TET3: variants seen among roughly 807,000 people sequenced by gnomAD.
The protein encoded by TET3 is methylcytosine dioxygenase TET3.
In TET3, 19 loss-of-function variants were observed where a neutral mutation model predicts 141.4. That is an observed-to-expected ratio of 0.13 (90% confidence interval 0.09 to 0.20). TET3 has a LOEUF of 0.20. Among genes scored for constraint, TET3 ranks in the 10% least tolerant of loss-of-function variants. The pLI is 1.00. For missense variants in TET3, 1,874 were observed against 2,356.9 expected, an observed-to-expected ratio of 0.80 and a Z score of 4.24; for synonymous variants, 1,043 against 980.9, an observed-to-expected ratio of 1.06 and a Z score of -1.18.
rs2104286200 is a variant in TET3 at position 74,107,804 on chromosome 2, G to T, written c.*5628G>T. On this transcript the variant is annotated 3_prime_UTR_variant, in exon 12 of 12. Coordinates refer to ENST00000409262, the MANE Select transcript of TET3 (RefSeq NM_001287491.2). Reference sequence around the variant, plus strand: ...TGGCTACTTGAAATGAAGTTTATCTGGGGTTGATGGATGAATGGTAGATTT... The same window carrying T: ...TGGCTACTTGAAATGAAGTTTATCTTGGGTTGATGGATGAATGGTAGATTT... 1 of 152,324 alleles carries T rather than the reference G, an allele frequency of 6.6e-6. No homozygotes were observed. Among genetic ancestry groups the T allele is most frequent in the East Asian group, 1.9e-4 (1 of 5,196 alleles). The allele number at this position is 152,324 out of a possible 1,614,324, so 9.4% of individuals were successfully genotyped here.
the TET3 span, among the ~76,000 whole-genome samples, chr2:74,127,511 G>A: frequency 1.3e-5 from 2 of 152,102 alleles, no homozygotes; most frequent in Non-Finnish European, 2.9e-5. Flanking sequence ...ACCAGCTTTA[G>A]GCATTTAACC....
intron 3 of TET3, among the ~76,000 whole-genome samples, chr2:74,029,458 T>A (rs796391849): frequency 6.6e-6 from 1 of 152,174 alleles, no homozygotes; most frequent in South Asian, 2.1e-4. Flanking sequence ...GAGAAAACAG[T>A]ACAGCTATTA....
chr2:74,092,780 C>T, intron 8 of TET3, 122 bp from the exon 9 acceptor site: 2 of 804,398 alleles, frequency 2.5e-6, no homozygotes, highest in Non-Finnish European at 4.2e-6. Context: ...GCCAGAAAGA[C>T]ACCTGATAAC....
chr2:74,129,352 G>A, the TET3 span, among the ~76,000 whole-genome samples: 2 of 132,814 alleles, frequency 1.5e-5, no homozygotes, highest in Non-Finnish European at 3.3e-5. Flanking sequence ...AAAAAACCCG[G>A]CCGGGCACAG....
At chr2:74,022,826 G>A (rs1686127013) in intron 3 of TET3, among the ~76,000 whole-genome samples, 1 of 152,078 alleles carries the variant, frequency 6.6e-6, no homozygotes, top group Non-Finnish European at 1.5e-5. Flanking sequence ...GCCTAGGCTG[G>A]AGTGCAGTGG....
At chr2:74,124,941 G>A in the TET3 span, among the ~76,000 whole-genome samples, 160 of 99,852 alleles carry the variant, frequency 1.6e-3, no homozygotes, top group Middle Eastern at 0.014. Context: ...AAAAAAAAAA[G>A]AAAAAGGTTA....
At chr2:74,012,981 T>C (rs1279862748) in intron 3 of TET3, among the ~76,000 whole-genome samples, 1 of 151,552 alleles carries the variant, frequency 6.6e-6, no homozygotes, top group East Asian at 1.9e-4. Context: ...GAATATACTA[T>C]ACTTGGTAAT....
At chr2:74,094,420 G>A (rs1225637710) in intron 10 of TET3, among the ~76,000 whole-genome samples, 1 of 152,206 alleles carries the variant, frequency 6.6e-6, no homozygotes, top group Non-Finnish European at 1.5e-5. Context: ...AGGGAGCCTT[G>A]AGGGCCAGGG....
chr2:74,044,203 AAAAT>A (rs1268060179), intron 3 of TET3, among the ~76,000 whole-genome samples: 1 of 152,082 alleles, frequency 6.6e-6, no homozygotes, highest in East Asian at 1.9e-4. Flanking sequence ...GTGTGTCTGT[AAAAT>A]AAATAAATAA....
At chr2:74,032,931 G>A (rs768210806) in intron 3 of TET3, among the ~76,000 whole-genome samples, 2 of 151,988 alleles carry the variant, frequency 1.3e-5, no homozygotes, top group Non-Finnish European at 2.9e-5. Context: ...TTCAGGCTTG[G>A]CACCCCATCT....
chr2:74,126,687 T>G, the TET3 span, among the ~76,000 whole-genome samples: 1 of 151,962 alleles, frequency 6.6e-6, no homozygotes, highest in South Asian at 2.1e-4. Flanking sequence ...ATTTTTTCAG[T>G]AGAGACGGGG....
intron 3 of TET3, among the ~76,000 whole-genome samples, chr2:74,010,281 A>T (rs963819005): frequency 3.3e-5 from 5 of 152,178 alleles, no homozygotes; most frequent in Admixed American, 3.3e-4. Context: ...CACCTTCCAG[A>T]TGCTGCCGCC....
chr2:74,050,279 G>A (rs1280827067), intron 4 of TET3, among the ~76,000 whole-genome samples: 1 of 152,176 alleles, frequency 6.6e-6, no homozygotes, highest in Non-Finnish European at 1.5e-5. Flanking sequence ...TATGTAGAAT[G>A]AAAACGATAA....
rs1683922053 is a variant in TET3, at chr2:73,984,955, C to T, written c.-627C>T. Reference sequence around the variant, plus strand: ...TTGCTGCTGCTGCTGCCGCCGCGGCCGCCGCTGCCTCTTCCTTCCTCCTGC... The same window carrying T: ...TTGCTGCTGCTGCTGCCGCCGCGGCTGCCGCTGCCTCTTCCTTCCTCCTGC... On this transcript the variant is annotated 5_prime_UTR_variant, in exon 1 of 12. Transcript: ENST00000409262. The surrounding 1 kb of genome is among the most constrained non-coding windows in gnomAD (Gnocchi z 5.6). Among the ~76,000 whole-genome samples the T allele has an allele frequency of 1.4e-5, 2 of 147,044 alleles. No individual in the cohort carries two copies. Among genetic ancestry groups the T allele is most frequent in the South Asian group, 2.1e-4 (1 of 4,796 alleles).
chr2:74,006,939 G>C (rs1303621549), intron 3 of TET3, among the ~76,000 whole-genome samples: 1 of 152,190 alleles, frequency 6.6e-6, no homozygotes, highest in East Asian at 1.9e-4. Flanking sequence ...CTGTAGATTA[G>C]TGTATTCTCT....
intron 3 of TET3, among the ~76,000 whole-genome samples, chr2:74,007,280 A>G (rs989934766): frequency 6.6e-6 from 1 of 152,180 alleles, no homozygotes; most frequent in Admixed American, 6.5e-5. Flanking sequence ...AGCACTTTAC[A>G]TTTGCTTTCT....
chr2:74,042,181 TG>T (rs1386274978), intron 3 of TET3, among the ~76,000 whole-genome samples: 1 of 152,250 alleles, frequency 6.6e-6, no homozygotes, highest in East Asian at 1.9e-4. Context: ...TCTCTGTAGC[TG>T]GCCTCAAAAG....
At chr2:74,129,646 T>C in the TET3 span, among the ~76,000 whole-genome samples, 12 of 151,140 alleles carry the variant, frequency 7.9e-5, no homozygotes, top group African/African-American at 2.7e-4. Context: ...AAAAAATGAA[T>C]TGAAAAAACC....
At position 74,047,859 on chromosome 2, in the gene TET3, C is replaced by T. The variant is rs200434401; in HGVS notation, c.1942C>T (p.Leu648=). 820 of 1,612,784 alleles carry T rather than the reference C, an allele frequency of 5.1e-4. 3 individuals carry two copies. Among genetic ancestry groups the T allele is most frequent in the Admixed American group, 1.0e-3 (61 of 59,892 alleles). The part of the protein sequence containing the change: ...QEVQAHPPAP[L]PASQGSAVPL... ...AGTGCAGGCTCATCCACCGGCCCCT[C>T]TGCCTGCCTCACAGGGCTCTGCTGT... The change falls in exon 4 of 12, where the codon CTG becomes TTG. Residue 648 remains leucine, a synonymous_variant. Transcript: ENST00000409262.
Sources: gnomAD v4.1 joint callset for allele counts (sites outside exome capture counted in the v4.1 genomes callset) on GRCh38, gnomAD v4.1.1 for gene constraint, Gnocchi (gnomAD v3.1) non-coding constraint, MANE v1.5 for transcripts, NCBI Gene and HGNC (gene_info 2026-07-23, HGNC 2026-07-21) for gene names.